Variants in CCDC141 observed in about 807,000 individuals in gnomAD.
The protein encoded by CCDC141 is coiled-coil domain containing 141.
In CCDC141, 168 loss-of-function variants were observed where a neutral mutation model predicts 181.0. That is an observed-to-expected ratio of 0.93 (90% CI 0.82 to 1.05). The LOEUF (loss-of-function observed/expected upper bound fraction) is 1.05. CCDC141 is among the 50% of genes least tolerant of loss of function. The pLI is 0.00. For missense variants in CCDC141, 1,902 were observed against 1,788.5 expected (o/e 1.06, Z -1.14); for synonymous variants, 666 against 642.3 (o/e 1.04, Z -0.56).
At chr2:178,815,034 G>A in the CCDC141 span, among the ~76,000 whole-genome samples, 6 of 152,254 alleles carry the variant, frequency 3.9e-5, no homozygotes, top group African/African-American at 1.4e-4. Flanking sequence ...AGATGGAAGT[G>A]AAGGAGAGAA....
chr2:178,886,752 CT>C lies in CCDC141; in HGVS notation c.1526del (p.Lys509ArgfsTer7). 1 of 1,428,670 alleles carries C rather than the reference CT, an allele frequency of 7.0e-7. No individual in the cohort carries two copies. The highest frequency in any genetic ancestry group is 9.4e-7 in the Non-Finnish European group (1 of 1,066,392). 88.5% of individuals were successfully genotyped at this position (1,428,670 alleles called of 1,614,324 possible). Reference sequence around the variant, plus strand: ...TAATAATCATTCTCATTTTATTTACCTTAGCTTGGATATCTAGTTCCAGATA... The same window carrying C: ...TAATAATCATTCTCATTTTATTTACCTAGCTTGGATATCTAGTTCCAGATA... ...NKYLELDIQAKETSHELEAAA... is the reference protein window; with the variant it reads ...NKYLELDIQAXETSHELEAAA... On this transcript the variant is annotated frameshift_variant and splice_region_variant, in exon 10 of 24. Transcript: ENST00000443758. LOFTEE classifies it high-confidence loss of function.
rs770849745 is a variant in CCDC141, at chr2:178,837,401, G to T, written c.3818C>A (p.Ala1273Glu). 1.2e-6 allele frequency: 2 copies of T among 1,614,046 alleles called. No individual in the cohort carries two copies. The highest frequency in any genetic ancestry group is 1.3e-5 in the African/African-American group (1 of 75,026). ...TTCTCTCTTATCATTGCATGCATCCGCAAAGGCAACAGGTGGTGGAAGAAC... is the reference window on the plus strand; with the variant it reads ...TTCTCTCTTATCATTGCATGCATCCTCAAAGGCAACAGGTGGTGGAAGAAC... ...ESVLPPPVAFADACNDKRETF... is the reference protein window; with the variant it reads ...ESVLPPPVAFEDACNDKRETF... Residue 1273 changes from alanine to glutamate, a missense_variant, in exon 23 of 24, where the codon GCG becomes GAG. Coordinates refer to ENST00000443758, the MANE Select transcript of CCDC141 (RefSeq NM_173648.4).
At chr2:178,919,146 A>T (rs1039646173) in intron 6 of CCDC141, among the ~76,000 whole-genome samples, 1 of 151,882 alleles carries the variant, frequency 6.6e-6, no homozygotes, top group Non-Finnish European at 1.5e-5. Flanking sequence ...TTTCACCACA[A>T]CTCTACCGTG....
intron 8 of CCDC141, among the ~76,000 whole-genome samples, chr2:178,893,542 A>G (rs968454963): frequency 6.6e-6 from 1 of 152,126 alleles, no homozygotes; most frequent in Non-Finnish European, 1.5e-5. Context: ...TGGACAAATT[A>G]TACTTTAAAG....
In CCDC141 at chr2:178,920,877, G is replaced by A. The variant is rs187248869; in HGVS notation, c.898-1970C>T. 1.9e-3 allele frequency among the ~76,000 whole-genome samples: 295 copies of A among 152,280 alleles called. 6 individuals carry two copies. The South Asian group carries it at 0.022, about 11-fold the overall frequency. ...TGAATACAGGAGTATAAAATGTAGA[G>A]TAAGAAATTTGAATTATTTGAAGTA... On this transcript the variant is annotated intron_variant, in intron 6 of 23. Transcript: ENST00000443758.
chr2:178,915,165 T>C (rs527802278), intron 7 of CCDC141, among the ~76,000 whole-genome samples: 1 of 151,410 alleles, frequency 6.6e-6, no homozygotes, highest in South Asian at 2.1e-4. Flanking sequence ...AGTGAGACCC[T>C]GTCCCCACCC....
At chr2:178,977,576 C>T (rs1393039343) in intron 3 of CCDC141, among the ~76,000 whole-genome samples, 1 of 152,106 alleles carries the variant, frequency 6.6e-6, no homozygotes, top group African/African-American at 2.4e-5. Context: ...TTTTATTCCT[C>T]CCTTTTGCTT....
At chr2:178,955,826 A>C (rs574568851) in intron 5 of CCDC141, among the ~76,000 whole-genome samples, 1 of 152,366 alleles carries the variant, frequency 6.6e-6, no homozygotes, top group South Asian at 2.1e-4. Flanking sequence ...TAAACTATCA[A>C]TTCAGTGCCC....
chr2:178,855,630 A>G lies in CCDC141; in HGVS notation c.2866-89T>C, dbSNP rs541556101. The G allele has an allele frequency of 5.0e-6, 4 of 794,062 alleles. No individual in the cohort carries two copies. The African/African-American group carries it at 7.2e-5, about 14-fold the overall frequency. The allele number at this position is 794,062 out of a possible 1,614,324, so 49.2% of individuals were successfully genotyped here. A position where few individuals can be genotyped will look rare whatever the true frequency, so the allele number is the denominator to read the frequency against. ...AATACTGAGAGAAAAACTGGTAAAAATTTTGCAGCTTCCTCCAATCTATTA... is the reference window on the plus strand; with the variant it reads ...AATACTGAGAGAAAAACTGGTAAAAGTTTTGCAGCTTCCTCCAATCTATTA... On this transcript the variant is annotated intron_variant, in intron 18 of 23. Coordinates refer to ENST00000443758, the MANE Select transcript of CCDC141 (RefSeq NM_173648.4).
chr2:178,837,541 A>C lies in CCDC141; in HGVS notation c.3678T>G (p.Pro1226=), dbSNP rs1032283. 6.2e-7 allele frequency: 1 copy of C among 1,613,980 alleles called. No individual in the cohort carries two copies. The highest frequency in any genetic ancestry group is 8.5e-7 in the Non-Finnish European group (1 of 1,179,974). ...CCACCTCCATGTCAGATGGTGCAAG[A>C]GGGGACTCAGGGCTTCCTGGGAGAG... ...LPPLPGSPES[P]LAPSDMEVEE... Residue 1226 remains proline, a synonymous_variant, in exon 23 of 24, where the codon CCT becomes CCG. Coordinates refer to ENST00000443758, the MANE Select transcript of CCDC141 (RefSeq NM_173648.4).
At chr2:179,021,681 G>C (rs959946432) in intron 2 of CCDC141, among the ~76,000 whole-genome samples, 3 of 152,132 alleles carry the variant, frequency 2.0e-5, no homozygotes, top group Non-Finnish European at 4.4e-5. Context: ...AAGCAACTTG[G>C]AAAATTCTGA....
chr2:179,032,123 C>A (rs1335779585), intron 2 of CCDC141, among the ~76,000 whole-genome samples: 1 of 152,100 alleles, frequency 6.6e-6, no homozygotes, highest in African/African-American at 2.4e-5. Context: ...CTGGAAACCC[C>A]CCTTACTGGT....
chr2:179,010,877 G>A (rs1298834769), intron 2 of CCDC141, among the ~76,000 whole-genome samples: 2 of 152,038 alleles, frequency 1.3e-5, no homozygotes, highest in African/African-American at 2.4e-5. Context: ...ATACAGAACC[G>A]GCTGGGCATG....
At chr2:178,821,013 T>G in the CCDC141 span, among the ~76,000 whole-genome samples, 1 of 152,174 alleles carries the variant, frequency 6.6e-6, no homozygotes, top group Non-Finnish European at 1.5e-5. Context: ...ACAAAACAAA[T>G]GTTAAACTAG....
chr2:179,015,284 C>A lies in CCDC141; in HGVS notation c.225+32000G>T, dbSNP rs191872863. Among the ~76,000 whole-genome samples the A allele has an allele frequency of 4.7e-4, 52 of 111,810 alleles. 1 individual carries two copies. The highest frequency in any genetic ancestry group is 1.5e-3 in the African/African-American group (47 of 31,310). 73.4% of individuals were successfully genotyped at this position (111,810 alleles called of 152,430 possible). ...TATATCATATATATCTCATCTATCT[C>A]TCATATATCTCATATATGTATCATA... On this transcript the variant is annotated intron_variant, in intron 2 of 23. Coordinates refer to ENST00000443758, the MANE Select transcript of CCDC141 (RefSeq NM_173648.4).
intron 2 of CCDC141, among the ~76,000 whole-genome samples, chr2:179,044,203 A>C (rs1319896502): frequency 1.3e-5 from 2 of 152,248 alleles, no homozygotes; most frequent in Non-Finnish European, 2.9e-5. Flanking sequence ...GATAGGAAGA[A>C]TCAATATTGT....
At chr2:178,838,374 C>T (rs1463006352) in intron 22 of CCDC141, among the ~76,000 whole-genome samples, 2 of 152,300 alleles carry the variant, frequency 1.3e-5, no homozygotes, top group Non-Finnish European at 2.9e-5. Flanking sequence ...AATTGAAATT[C>T]TGTATCCACT....
intron 2 of CCDC141, among the ~76,000 whole-genome samples, chr2:179,014,269 CTCGAGATGGAT>C (rs1308577240): frequency 6.6e-6 from 1 of 152,082 alleles, no homozygotes; most frequent in Non-Finnish European, 1.5e-5. Flanking sequence ...CAAAAACCAA[CTCGAGATGGAT>C]TAAGGACTTA....
At chr2:178,930,612 TATAG>T (rs988596107) in intron 6 of CCDC141, among the ~76,000 whole-genome samples, 2 of 152,124 alleles carry the variant, frequency 1.3e-5, no homozygotes, top group Admixed American at 1.3e-4. Context: ...AAGATAGACA[TATAG>T]ATTTACAGAA....
Sources: gnomAD v4.1 joint callset for allele counts (sites outside exome capture counted in the v4.1 genomes callset) on GRCh38, gnomAD v4.1.1 for gene constraint, MANE v1.5 for transcripts, NCBI Gene and HGNC (gene_info 2026-07-23, HGNC 2026-07-21) for gene names.